MVB12A: variants seen among roughly 807,000 people sequenced by gnomAD.
MVB12A encodes the protein CIN85/CD2AP family binding protein.
Under a neutral mutation model 34.3 loss-of-function variants are expected in MVB12A, and 30 were observed. The observed-to-expected ratio is 0.88, with a 90% CI of 0.65 to 1.19. The LOEUF is 1.19. MVB12A is among the 50% of genes most tolerant of loss of function. The pLI, the probability that MVB12A is intolerant of heterozygous loss-of-function variation, is 0.00. For missense variants in MVB12A, 355 were observed against 369.2 expected (o/e 0.96, Z 0.31); for synonymous variants, 158 against 158.9 (o/e 0.99, Z 0.04).
At chr19:17,416,412 C>CT (rs555309319), upstream of MVB12A, among the ~76,000 whole-genome samples, 1,027 of 129,536 alleles carry the variant, frequency 7.9e-3, 8 homozygotes, top group African/African-American at 0.021. Context: ...GCCCAGCCTG[C>CT]TTTTTTTTTT....
chr19:17,424,914 C>T lies in MVB12A; in HGVS notation c.760-17C>T, dbSNP rs371473055. On this transcript the variant is annotated splice_polypyrimidine_tract_variant and intron_variant, in intron 8 of 8. Coordinates refer to ENST00000317040, the MANE Select transcript of MVB12A (RefSeq NM_138401.4). ...TTACTCTGGCACCTGTTCACTCTCT[C>T]TCTCCCCATCCCCCAGTATAACTAC... is the stretch of plus-strand genomic sequence containing the variant. 23 of 1,593,784 alleles carry T rather than the reference C, an allele frequency of 1.4e-5. No individual in the cohort carries two copies. The African/African-American group carries it at 2.4e-4, about 17-fold the overall frequency.
Position 17,423,699 on chromosome 19 carries a change from C to A in MVB12A, c.540C>A (p.Gly180=). 6.2e-7 allele frequency: 1 copy of A among 1,613,756 alleles called. No individual in the cohort carries two copies. The highest frequency in any genetic ancestry group is 1.1e-5 in the South Asian group (1 of 91,092). ...SLDAASQPSK[G]GLLERTASRL... Reference sequence around the variant, plus strand: ...TGAGTCATCCCACCTCCAGTAAGGGCGGCCTCCTGGAGCGGACAGCGTCAA... The same window carrying A: ...TGAGTCATCCCACCTCCAGTAAGGGAGGCCTCCTGGAGCGGACAGCGTCAA... Residue 180 remains glycine (G), a synonymous_variant, in exon 6 of 9, where the codon GGC becomes GGA. Transcript: ENST00000317040.
chr19:17,423,442 C>A (rs530917503), intron 4 of MVB12A, 56 bp from the exon 5 acceptor site: 57 of 1,588,782 alleles, frequency 3.6e-5, no homozygotes, highest in Non-Finnish European at 3.4e-5. Flanking sequence ...AGGGGCTATC[C>A]TCAACCCTGG....
intron 3 of MVB12A, chr19:17,421,157 T>G (rs2074836095): frequency 6.9e-6 from 3 of 435,508 alleles, no homozygotes; most frequent in South Asian, 4.9e-5. Context: ...CAGGCTATAT[T>G]CATTCATACT....
chr19:17,411,570 C>A (rs1815920220), intron 2 of MVB12A, among the ~76,000 whole-genome samples: 1 of 151,962 alleles, frequency 6.6e-6, no homozygotes, highest in East Asian at 1.9e-4. Context: ...GTTGACCAGG[C>A]TTTTCTCAAA....
At chr19:17,416,901 A>T (rs1369397288), upstream of MVB12A, 2 of 172,222 alleles carry the variant, frequency 1.2e-5, no homozygotes, top group African/African-American at 4.8e-5. Context: ...GGGTTTCACC[A>T]TGTTGGCCAG....
chr19:17,411,603 C>G (rs187227052), intron 2 of MVB12A, among the ~76,000 whole-genome samples: 89 of 152,218 alleles, frequency 5.8e-4, no homozygotes, highest in African/African-American at 1.9e-3. Context: ...AGCGATCCTC[C>G]TGCCTCAGCC....
upstream of MVB12A, chr19:17,419,477 A>C (rs2074821496): frequency 6.6e-6 from 1 of 152,206 alleles, no homozygotes; most frequent in African/African-American, 2.4e-5. Flanking sequence ...AGTTATACCC[A>C]AGATTTCAAA....
chr19:17,405,839 G>A (rs1269805441), intron 1 of MVB12A: 3 of 383,144 alleles, frequency 7.8e-6, no homozygotes, highest in Non-Finnish European at 1.5e-5. Flanking sequence ...AGCCAACTGT[G>A]GCTGCCTGGG....
chr19:17,420,230 G>A lies in MVB12A; in HGVS notation c.90+5G>A. On this transcript the variant is annotated splice_donor_5th_base_variant and intron_variant, in intron 1 of 8. Coordinates refer to ENST00000317040, the MANE Select transcript of MVB12A (RefSeq NM_138401.4). ...CCGCCGCGGGGGTTCAGCGCGGTGA[G>A]CGGCGTCGAGGGGCGGGGGTCGAAT... The A allele has an allele frequency of 1.3e-6, 2 of 1,497,964 alleles. No homozygotes were observed. Among genetic ancestry groups the A allele is most frequent in the Non-Finnish European group, 1.8e-6 (2 of 1,129,350 alleles). The allele number at this position is 1,497,964 out of a possible 1,614,324, so 92.8% of individuals were successfully genotyped here.
intron 8 of MVB12A, 99 bp from the exon 9 acceptor site, chr19:17,424,832 C>A: frequency 1.6e-6 from 2 of 1,242,474 alleles, no homozygotes; most frequent in Non-Finnish European, 2.3e-6. Context: ...GAAGACCACT[C>A]AAGTCCCTAA....
chr19:17,417,058 C>CCAACTTTAG (rs2074804785), upstream of MVB12A: 1 of 419,518 alleles, frequency 2.4e-6, no homozygotes. Flanking sequence ...CCACTTTTTT[C>CCAACTTTAG]CAGGCAACTT....
At chr19:17,411,826 C>T (rs905267966) in intron 2 of MVB12A, among the ~76,000 whole-genome samples, 1 of 152,112 alleles carries the variant, frequency 6.6e-6, no homozygotes, top group Non-Finnish European at 1.5e-5. Flanking sequence ...AAAGATCATC[C>T]GCAACCATCC....
upstream of MVB12A, chr19:17,420,016 C>CG (rs1555735860): frequency 1.4e-5 from 4 of 291,424 alleles, no homozygotes; most frequent in Admixed American, 6.1e-5. Flanking sequence ...GCAATCTCCG[C>CG]CCCCCCCCCC....
intron 2 of MVB12A, among the ~76,000 whole-genome samples, chr19:17,410,531 C>CATACATACAT (rs1568387403): frequency 2.0e-5 from 1 of 49,724 alleles, no homozygotes; most frequent in African/African-American, 9.7e-5. Context: ...TATATATATA[C>CATACATACAT]ACACACACAT....
At chr19:17,412,262 C>G (rs2074774096) in intron 2 of MVB12A, among the ~76,000 whole-genome samples, 1 of 152,014 alleles carries the variant, frequency 6.6e-6, no homozygotes, top group Non-Finnish European at 1.5e-5. Context: ...CTCTTTTGCT[C>G]TTTCTCTCTC....
At chr19:17,420,039 T>C, upstream of MVB12A, 2 of 321,732 alleles carry the variant, frequency 6.2e-6, no homozygotes, top group Non-Finnish European at 9.5e-6. Flanking sequence ...CATGGCCTTC[T>C]GGGAGTTGTA....
rs200221713 is a variant in MVB12A at position 17,424,572 on chromosome 19, G to A, written c.703-49G>A. 8.5e-4 allele frequency: 1,359 copies of A among 1,592,274 alleles called. 4 individuals carry two copies. The highest frequency in any genetic ancestry group is 3.3e-3 in the Middle Eastern group (20 of 6,034). ...GACCCCTTGAAGACGAAGGAAAGGGGGTTTCAGGTTGAGATCGGGCCCAAG... is the reference window on the plus strand; with the variant it reads ...GACCCCTTGAAGACGAAGGAAAGGGAGTTTCAGGTTGAGATCGGGCCCAAG... On this transcript the variant is annotated intron_variant, in intron 7 of 8. Transcript: ENST00000317040.
In MVB12A at chr19:17,420,543, G is replaced by A; in HGVS notation, c.195G>A (p.Pro65=). The A allele has an allele frequency of 3.1e-6, 5 of 1,613,512 alleles. No individual in the cohort carries two copies. The highest frequency in any genetic ancestry group is 4.2e-6 in the Non-Finnish European group (5 of 1,179,508). Residue 65 remains proline, a synonymous_variant, in exon 3 of 9, where the codon CCG becomes CCA. Transcript: ENST00000317040. ...TGTCCCCCTTCCACCCCCAGAACCC[G>A]CAGGAGAACGTGGTGGCCGATATCC... ...CLSSLGSLEN[P]QENVVADIQI...
Sources: gnomAD v4.1 joint callset for allele counts (sites outside exome capture counted in the v4.1 genomes callset) on GRCh38, gnomAD v4.1.1 for gene constraint, MANE v1.5 for transcripts, NCBI Gene and HGNC (gene_info 2026-07-23, HGNC 2026-07-21) for gene names.